Variants in FOXN3 observed in about 807,000 individuals in gnomAD.
FOXN3 encodes the protein forkhead box protein N3.
Under a neutral mutation model 38.4 loss-of-function variants are expected in FOXN3, and 7 were observed. The ratio of observed to expected loss-of-function variants is 0.18; its 90% confidence interval spans 0.10 to 0.34. The LOEUF (loss-of-function observed/expected upper bound fraction) is 0.34. Ranked by LOEUF, FOXN3 falls within the 10% of genes least tolerant of loss-of-function variation. The pLI is 1.00. For missense variants in FOXN3, 456 were observed against 613.4 expected (o/e 0.74, Z 2.71); for synonymous variants, 230 against 242.2 (o/e 0.95, Z 0.47).
chr14:89,291,667 T>C, intron 3 of FOXN3: 1 of 427,846 alleles, frequency 2.3e-6, no homozygotes, highest in Non-Finnish European at 4.5e-6. Flanking sequence ...TCTCTTCCTG[T>C]GGCCCTTATT....
intron 4 of FOXN3, among the ~76,000 whole-genome samples, chr14:89,204,208 G>A (rs1373055065): frequency 6.6e-6 from 1 of 152,128 alleles, no homozygotes; most frequent in Non-Finnish European, 1.5e-5. Flanking sequence ...ACATTTCCCA[G>A]TGGAGACTTG....
At chr14:89,524,378 A>AG (rs1566686295) in intron 1 of FOXN3, among the ~76,000 whole-genome samples, 11 of 107,022 alleles carry the variant, frequency 1.0e-4, no homozygotes, top group Non-Finnish European at 1.8e-4. Context: ...TCTCAAAAAA[A>AG]AAAAAAAAAA....
At chr14:89,301,922 C>A (rs1438723814) in intron 3 of FOXN3, among the ~76,000 whole-genome samples, 1 of 152,178 alleles carries the variant, frequency 6.6e-6, no homozygotes, top group African/African-American at 2.4e-5. Context: ...TGTCTACTCA[C>A]TCCTTTCCCG....
At chr14:89,328,168 T>C (rs980125716) in intron 3 of FOXN3, among the ~76,000 whole-genome samples, 62 of 152,268 alleles carry the variant, frequency 4.1e-4, no homozygotes, top group Non-Finnish European at 1.5e-5. Flanking sequence ...CAAGTCCATC[T>C]TTCTAACTGG....
At chr14:89,274,777 T>C (rs1439046238) in intron 4 of FOXN3, among the ~76,000 whole-genome samples, 2 of 152,170 alleles carry the variant, frequency 1.3e-5, no homozygotes, top group Non-Finnish European at 2.9e-5. Context: ...TTATGAGGAA[T>C]TAAAAGTGTC....
chr14:89,494,694 A>G (rs1399220789), intron 1 of FOXN3, among the ~76,000 whole-genome samples: 2 of 152,234 alleles, frequency 1.3e-5, no homozygotes, highest in African/African-American at 2.4e-5. Flanking sequence ...TCTGAAGTGG[A>G]TCCAAGCTAA....
At chr14:89,590,209 C>G (rs555171093) in intron 1 of FOXN3, among the ~76,000 whole-genome samples, 1 of 152,224 alleles carries the variant, frequency 6.6e-6, no homozygotes, top group Admixed American at 6.5e-5. Context: ...GCAAACCAAT[C>G]AATGAATGAT....
At chr14:89,310,585 G>A (rs1257857849) in intron 3 of FOXN3, among the ~76,000 whole-genome samples, 1 of 152,150 alleles carries the variant, frequency 6.6e-6, no homozygotes, top group African/African-American at 2.4e-5. Flanking sequence ...CTCTTCCACT[G>A]CCTTTAACAA....
At chr14:89,464,660 T>TG (rs1364052247) in intron 1 of FOXN3, among the ~76,000 whole-genome samples, 1 of 152,138 alleles carries the variant, frequency 6.6e-6, no homozygotes, top group African/African-American at 2.4e-5. Flanking sequence ...AATTGAATCA[T>TG]GGGGGCAGTT....
intron 1 of FOXN3, among the ~76,000 whole-genome samples, chr14:89,565,537 G>A (rs1009771188): frequency 6.6e-5 from 10 of 152,110 alleles, no homozygotes; most frequent in African/African-American, 1.4e-4. Flanking sequence ...CTCTGGGCCC[G>A]CCGTCCTCAT....
chr14:89,323,719 AAAACAAAC>A (rs56120412), intron 3 of FOXN3, among the ~76,000 whole-genome samples: 1 of 150,762 alleles, frequency 6.6e-6, no homozygotes, highest in Non-Finnish European at 1.5e-5. Flanking sequence ...ACTCCATCGC[AAAACAAAC>A]AAACAAACAA....
At chr14:89,254,875 A>G (rs1425444220) in intron 4 of FOXN3, among the ~76,000 whole-genome samples, 1 of 152,220 alleles carries the variant, frequency 6.6e-6, no homozygotes, top group Admixed American at 6.5e-5. Flanking sequence ...CGGCCCAGCC[A>G]TGGGCCTTCT....
intron 1 of FOXN3, among the ~76,000 whole-genome samples, chr14:89,593,235 AGGAG>A (rs1467231149): frequency 7.0e-6 from 1 of 143,314 alleles, no homozygotes; most frequent in Non-Finnish European, 1.5e-5. Flanking sequence ...AGAGGGAGAA[AGGAG>A]GGAGGGAGGG....
At chr14:89,320,165 T>C (rs776025698) in intron 3 of FOXN3, among the ~76,000 whole-genome samples, 1 of 152,196 alleles carries the variant, frequency 6.6e-6, no homozygotes, top group Non-Finnish European at 1.5e-5. Flanking sequence ...GGCTCATATA[T>C]GGAATTTATT....
chr14:89,346,511 T>C (rs897455495), intron 3 of FOXN3, among the ~76,000 whole-genome samples: 1 of 152,162 alleles, frequency 6.6e-6, no homozygotes, highest in African/African-American at 2.4e-5. Context: ...TTGATGTTTT[T>C]CCCATGACTA....
chr14:89,504,783 C>G (rs949742114), intron 1 of FOXN3, among the ~76,000 whole-genome samples: 3 of 152,142 alleles, frequency 2.0e-5, no homozygotes, highest in African/African-American at 7.2e-5. Context: ...ACCACTATTA[C>G]CAAAGGCAAC....
intron 1 of FOXN3, among the ~76,000 whole-genome samples, chr14:89,492,467 T>C (rs929093695): frequency 2.7e-4 from 41 of 152,014 alleles, no homozygotes; most frequent in African/African-American, 9.4e-4. Context: ...TTTCCCAAGG[T>C]CCGCACCTAT....
intron 3 of FOXN3, among the ~76,000 whole-genome samples, chr14:89,304,828 C>T (rs1025251457): frequency 2.0e-5 from 3 of 151,810 alleles, no homozygotes; most frequent in Non-Finnish European, 4.4e-5. Context: ...CACCGAAGTG[C>T]CTGGTGGAGC....
intron 1 of FOXN3, among the ~76,000 whole-genome samples, chr14:89,478,551 G>C (rs1305366798): frequency 2.0e-5 from 3 of 151,856 alleles, no homozygotes; most frequent in Admixed American, 6.6e-5. Flanking sequence ...TACATTCTTG[G>C]GTAATAAGAA....
Sources: gnomAD v4.1 joint callset for allele counts (sites outside exome capture counted in the v4.1 genomes callset) on GRCh38, gnomAD v4.1.1 for gene constraint, MANE v1.5 for transcripts, NCBI Gene and HGNC (gene_info 2026-07-23, HGNC 2026-07-21) for gene names.